CDH6: variants seen among roughly 807,000 people sequenced by gnomAD.
CDH6 encodes the protein cadherin-6.
A neutral mutation model predicts 78.0 loss-of-function variants in CDH6; 31 were observed. That is an observed-to-expected ratio of 0.40 (90% CI 0.30 to 0.54). The LOEUF (loss-of-function observed/expected upper bound fraction) is 0.54. CDH6 is among the 20% of genes least tolerant of loss of function. The probability of loss-of-function intolerance (pLI) is 0.56; values close to 1 mark genes in which losing one functional copy is unlikely to be tolerated. For missense variants in CDH6, 724 were observed against 975.9 expected, an observed-to-expected ratio of 0.74 and a Z score of 3.44; for synonymous variants, 376 against 368.8, an observed-to-expected ratio of 1.02 and a Z score of -0.23.
At chr5:31,303,072 A>T (rs907863103) in intron 6 of CDH6, among the ~76,000 whole-genome samples, 1 of 152,176 alleles carries the variant, frequency 6.6e-6, no homozygotes, top group Non-Finnish European at 1.5e-5. Context: ...TATACATCCA[A>T]TGAATTTTTA....
intron 1 of CDH6, chr5:31,249,372 A>G (rs1314450512): frequency 6.6e-6 from 1 of 152,184 alleles, no homozygotes; most frequent in Admixed American, 6.5e-5. Flanking sequence ...CACCTATTAT[A>G]TAATTTTCCC....
chr5:31,245,331 C>G (rs1579846714), intron 1 of CDH6, among the ~76,000 whole-genome samples: 1 of 152,158 alleles, frequency 6.6e-6, no homozygotes, highest in East Asian at 1.9e-4. Context: ...CAATTCTTTT[C>G]CCTGTTATAA....
At chr5:31,200,288 A>T (rs1286747611) in intron 1 of CDH6, among the ~76,000 whole-genome samples, 1 of 151,940 alleles carries the variant, frequency 6.6e-6, no homozygotes, top group Non-Finnish European at 1.5e-5. Context: ...GTATTTCAGG[A>T]AGGTAGCTAA....
chr5:31,302,313 T>C lies in CDH6; in HGVS notation c.999+15T>C. ...CTGTCAAAAAGGTAATGCCGCTTCTTAAACACCATACAGAGTGAACCCATT... is the reference window on the plus strand; with the variant it reads ...CTGTCAAAAAGGTAATGCCGCTTCTCAAACACCATACAGAGTGAACCCATT... On this transcript the variant is annotated intron_variant, in intron 6 of 11. Coordinates refer to ENST00000265071, the MANE Select transcript of CDH6 (RefSeq NM_004932.4). 1.9e-6 allele frequency: 3 copies of C among 1,601,166 alleles called. No individual in the cohort carries two copies. Among genetic ancestry groups the C allele is most frequent in the Non-Finnish European group, 2.6e-6 (3 of 1,169,922 alleles).
chr5:31,242,859 TAAA>T (rs143490918), intron 1 of CDH6, among the ~76,000 whole-genome samples: 2 of 132,586 alleles, frequency 1.5e-5, no homozygotes, highest in Admixed American at 7.7e-5. Context: ...TCGCCTCTAC[TAAA>T]AAAAAAAAAA....
intron 7 of CDH6, among the ~76,000 whole-genome samples, chr5:31,308,878 A>G (rs1323225264): frequency 6.6e-6 from 1 of 152,140 alleles, no homozygotes; most frequent in Non-Finnish European, 1.5e-5. Context: ...AACAGCTTAC[A>G]GAAGCAGCAC....
At chr5:31,199,716 T>TATATATA (rs1561193698) in intron 1 of CDH6, among the ~76,000 whole-genome samples, 2 of 120,304 alleles carry the variant, frequency 1.7e-5, no homozygotes, top group East Asian at 5.1e-4. Flanking sequence ...TATATATATA[T>TATATATA]CTCAAAGATA....
intron 1 of CDH6, among the ~76,000 whole-genome samples, chr5:31,197,525 C>A (rs968579508): frequency 6.6e-6 from 1 of 152,000 alleles, no homozygotes; most frequent in African/African-American, 2.4e-5. Context: ...ATTTACTTCA[C>A]AAAAAAAGTG....
At chr5:31,273,054 G>A (rs571851651) in intron 2 of CDH6, among the ~76,000 whole-genome samples, 4 of 152,042 alleles carry the variant, frequency 2.6e-5, no homozygotes, top group African/African-American at 7.2e-5. Flanking sequence ...AAACAGTAAC[G>A]TTTTAACGGA....
At position 31,226,084 on chromosome 5, in the gene CDH6, A is replaced by G. The variant is rs190568529; in HGVS notation, c.-129+32198A>G. On this transcript the variant is annotated intron_variant, in intron 1 of 11. Transcript: ENST00000265071. ...AAGTAATGCACTTCTCAGGTTAGAT[A>G]TAACTAAGTAGCCCATTGGGTAGGA... Among the ~76,000 whole-genome samples, 38 of 152,286 alleles carry G rather than the reference A, an allele frequency of 2.5e-4. 1 individual carries two copies. The highest frequency in any genetic ancestry group is 2.0e-3 in the Admixed American group (30 of 15,300).
chr5:31,250,784 G>T, intron 1 of CDH6: 1 of 153,036 alleles, frequency 6.5e-6, no homozygotes, highest in Non-Finnish European at 1.5e-5. Context: ...CATCCCTGTG[G>T]CAGTAGCGGG....
chr5:31,272,858 AGTTGGT>A (rs1340518638), intron 2 of CDH6, among the ~76,000 whole-genome samples: 1 of 152,194 alleles, frequency 6.6e-6, no homozygotes, highest in African/African-American at 2.4e-5. Context: ...TTCTGATGGA[AGTTGGT>A]GTTGGTTTTG....
At chr5:31,242,492 TTTG>T (rs747344174) in intron 1 of CDH6, among the ~76,000 whole-genome samples, 11 of 152,168 alleles carry the variant, frequency 7.2e-5, no homozygotes, top group Admixed American at 2.0e-4. Flanking sequence ...CTTTGCTTTT[TTTG>T]TTGTTGTTGT....
rs2149959988 is a variant in CDH6, at chr5:31,317,661, T to C, written c.1631-12T>C. On this transcript the variant is annotated splice_polypyrimidine_tract_variant and intron_variant, in intron 10 of 11. Coordinates refer to ENST00000265071, the MANE Select transcript of CDH6 (RefSeq NM_004932.4). ...ATCCACATACATTCACCACTTTGCT[T>C]TCCGGTTCCAGACAACACGGCGGGA... is the stretch of plus-strand genomic sequence containing the variant. The C allele has an allele frequency of 6.2e-7, 1 of 1,604,136 alleles. No homozygotes were observed. Among genetic ancestry groups the C allele is most frequent in the Admixed American group, 1.7e-5 (1 of 59,682 alleles).
chr5:31,277,028 A>C (rs549570605), intron 2 of CDH6, among the ~76,000 whole-genome samples: 1 of 152,190 alleles, frequency 6.6e-6, no homozygotes, highest in African/African-American at 2.4e-5. Flanking sequence ...CTGATGGCCA[A>C]TGTTGTGAAG....
chr5:31,212,699 G>A (rs1326463567), intron 1 of CDH6, among the ~76,000 whole-genome samples: 3 of 151,986 alleles, frequency 2.0e-5, no homozygotes, highest in Admixed American at 6.6e-5. Flanking sequence ...ACGGGGTAAC[G>A]ACTGGAGAAA....
In CDH6 at chr5:31,302,334, C is replaced by A. The variant is rs1460919823; in HGVS notation, c.999+36C>A. 3 of 1,487,650 alleles carry A rather than the reference C, an allele frequency of 2.0e-6. No individual in the cohort carries two copies. The South Asian group carries it at 3.9e-5, about 19-fold the overall frequency. 92.2% of individuals were successfully genotyped at this position (1,487,650 alleles called of 1,614,324 possible). ...TTCTTAAACACCATACAGAGTGAAC[C>A]CATTTACTTTTCTCCAGTTCCTAAG... On this transcript the variant is annotated intron_variant, in intron 6 of 11. Transcript: ENST00000265071.
intron 1 of CDH6, among the ~76,000 whole-genome samples, chr5:31,214,964 G>T (rs1490426070): frequency 6.6e-6 from 1 of 152,038 alleles, no homozygotes; most frequent in African/African-American, 2.4e-5. Flanking sequence ...TGCTGAGGAG[G>T]TATCTTACCC....
chr5:31,291,878 C>T (rs1035500870), intron 2 of CDH6, among the ~76,000 whole-genome samples: 2 of 152,160 alleles, frequency 1.3e-5, no homozygotes, highest in Non-Finnish European at 2.9e-5. Flanking sequence ...TAAGCAATTT[C>T]CTCCCCATTC....
Sources: gnomAD v4.1 joint callset for allele counts (sites outside exome capture counted in the v4.1 genomes callset) on GRCh38, gnomAD v4.1.1 for gene constraint, MANE v1.5 for transcripts, NCBI Gene and HGNC (gene_info 2026-07-23, HGNC 2026-07-21) for gene names.